The following BNC2 variants were observed in gnomAD, a reference collection of about 807,000 sequenced individuals.
BNC2 encodes the protein zinc finger protein basonuclin-2.
In BNC2, 20 loss-of-function variants were observed where a neutral mutation model predicts 76.3. The observed-to-expected ratio is 0.26, with a 90% CI of 0.18 to 0.38. BNC2 has a LOEUF of 0.38. BNC2 is among the 10% of genes least tolerant of loss of function. The probability of loss-of-function intolerance (pLI) is 1.00; values close to 1 mark genes in which losing one functional copy is unlikely to be tolerated. For synonymous variants in BNC2, 582 were observed against 514.8 expected, an observed-to-expected ratio of 1.13 and a Z score of -1.77; for missense variants, 1,382 against 1,399.8, an observed-to-expected ratio of 0.99 and a Z score of 0.20.
intron 4 of BNC2, among the ~76,000 whole-genome samples, chr9:16,565,998 A>G (rs1819156165): frequency 6.6e-6 from 1 of 152,140 alleles, no homozygotes; most frequent in Non-Finnish European, 1.5e-5. Context: ...CCATCCGTAA[A>G]GCTGTATTTT....
intron 3 of BNC2, among the ~76,000 whole-genome samples, chr9:16,720,590 T>C (rs1348469745): frequency 6.6e-6 from 1 of 152,208 alleles, no homozygotes; most frequent in African/African-American, 2.4e-5. Flanking sequence ...AACTTCCTAC[T>C]GTTCAAGATT....
chr9:16,739,699 A>C (rs1824785936), intron 1 of BNC2, among the ~76,000 whole-genome samples: 1 of 152,128 alleles, frequency 6.6e-6, no homozygotes, highest in South Asian at 2.1e-4. Context: ...ATCTGGGTAA[A>C]TTACTGGCAA....
intron 3 of BNC2, among the ~76,000 whole-genome samples, chr9:16,671,860 T>C (rs893448574): frequency 4.6e-5 from 7 of 152,204 alleles, no homozygotes; most frequent in African/African-American, 1.7e-4. Flanking sequence ...TATATCTACA[T>C]AGCTCAACAA....
intron 1 of BNC2, among the ~76,000 whole-genome samples, chr9:16,767,349 G>A (rs1825723805): frequency 6.6e-6 from 1 of 152,212 alleles, no homozygotes; most frequent in Non-Finnish European, 1.5e-5. Flanking sequence ...CTGGCTGGGG[G>A]TCAGTGCTCA....
At chr9:16,736,788 T>C (rs951252950) in intron 2 of BNC2, among the ~76,000 whole-genome samples, 21 of 151,396 alleles carry the variant, frequency 1.4e-4, no homozygotes, top group African/African-American at 5.1e-4. Flanking sequence ...GTTTTTTTTT[T>C]CTTTCTGAGA....
At chr9:16,442,712 A>G (rs1821152271) in intron 5 of BNC2, among the ~76,000 whole-genome samples, 1 of 152,206 alleles carries the variant, frequency 6.6e-6, no homozygotes, top group Admixed American at 6.5e-5. Context: ...CACAGCATAC[A>G]GGAAAACAAC....
chr9:16,812,018 A>G (rs963725116), intron 1 of BNC2, among the ~76,000 whole-genome samples: 4 of 152,232 alleles, frequency 2.6e-5, no homozygotes, highest in East Asian at 1.9e-4. Flanking sequence ...CCTGCCCACA[A>G]GGTTTTCCAG....
At chr9:16,451,984 G>C (rs1001182963) in intron 5 of BNC2, among the ~76,000 whole-genome samples, 26 of 152,150 alleles carry the variant, frequency 1.7e-4, no homozygotes, top group African/African-American at 5.8e-4. Context: ...CTCAAGATCA[G>C]GAGGCTAAAG....
At chr9:16,828,092 C>G (rs1818494478) in intron 1 of BNC2, among the ~76,000 whole-genome samples, 2 of 152,076 alleles carry the variant, frequency 1.3e-5, no homozygotes, top group African/African-American at 4.8e-5. Context: ...ATCCAAAATC[C>G]TACACAAAAT....
intron 3 of BNC2, among the ~76,000 whole-genome samples, chr9:16,665,402 G>GAGAGAA (rs1563887796): frequency 8.6e-6 from 1 of 116,500 alleles, no homozygotes; most frequent in Non-Finnish European, 1.8e-5. Flanking sequence ...GAGAGAGAGA[G>GAGAGAA]AAAGAGAGAA....
chr9:16,493,671 G>A (rs904579268), intron 5 of BNC2, among the ~76,000 whole-genome samples: 1 of 152,160 alleles, frequency 6.6e-6, no homozygotes, highest in Admixed American at 6.5e-5. Context: ...TAATGGAAGA[G>A]CTAGGCAAAA....
intron 4 of BNC2, chr9:16,575,352 A>T (rs1819453618): frequency 2.0e-6 from 2 of 985,236 alleles, no homozygotes; most frequent in Admixed American, 6.1e-5. Context: ...AGCAGTGACT[A>T]CACTGGAGGC....
chr9:16,473,299 C>T (rs1472939029), intron 5 of BNC2: 1 of 152,270 alleles, frequency 6.6e-6, no homozygotes, highest in Middle Eastern at 3.4e-3. Context: ...GAAGGGGATC[C>T]TACTTTTTTC....
chr9:16,850,002 G>A (rs1038577315), intron 1 of BNC2, among the ~76,000 whole-genome samples: 2 of 152,018 alleles, frequency 1.3e-5, no homozygotes, highest in Non-Finnish European at 2.9e-5. Flanking sequence ...ATTTGTTTAT[G>A]CCCCCCACAC....
At chr9:16,623,886 G>A (rs1353489326) in intron 3 of BNC2, among the ~76,000 whole-genome samples, 1 of 152,130 alleles carries the variant, frequency 6.6e-6, no homozygotes, top group Non-Finnish European at 1.5e-5. Context: ...GATGTATTGT[G>A]TATTTTTGTC....
At chr9:16,727,063 G>C (rs753268561) in intron 3 of BNC2, 1 of 152,256 alleles carries the variant, frequency 6.6e-6, no homozygotes, top group Admixed American at 6.5e-5. Flanking sequence ...AGCGCGGCCG[G>C]GACGGAGGAG....
intron 3 of BNC2, among the ~76,000 whole-genome samples, chr9:16,677,428 C>G (rs997350098): frequency 8.5e-5 from 13 of 152,218 alleles, no homozygotes; most frequent in Middle Eastern, 6.8e-3. Context: ...CAAAAATTAA[C>G]TGGACATGGT....
intron 3 of BNC2, among the ~76,000 whole-genome samples, chr9:16,663,015 G>A (rs940143311): frequency 2.6e-5 from 4 of 151,660 alleles, no homozygotes; most frequent in Non-Finnish European, 1.5e-5. Flanking sequence ...TACCCTTTCT[G>A]ATTATCTCAT....
chr9:16,729,363 T>C (rs1182239469), intron 2 of BNC2, among the ~76,000 whole-genome samples: 1 of 152,236 alleles, frequency 6.6e-6, no homozygotes, highest in African/African-American at 2.4e-5. Flanking sequence ...TCCTTGTTCC[T>C]TCTTAACTCA....
Sources: allele counts gnomAD v4.1 joint callset (sites outside exome capture counted in the v4.1 genomes callset), GRCh38; gene constraint gnomAD v4.1.1; transcripts MANE v1.5; gene names NCBI Gene and HGNC (gene_info 2026-07-23, HGNC 2026-07-21).